The following ZFHX3 variants were observed in gnomAD, a reference collection of about 807,000 sequenced individuals.
The protein encoded by ZFHX3 is zinc finger homeobox protein 3.
ZFHX3 carries 42 observed loss-of-function variants against 279.1 expected under a neutral mutation model. The ratio of observed to expected loss-of-function variants is 0.15; its 90% confidence interval spans 0.12 to 0.19. The LOEUF is 0.19. Among genes scored for constraint, ZFHX3 ranks in the 10% least tolerant of loss-of-function variants. ZFHX3 has a pLI of 1.00. For synonymous variants in ZFHX3, 2,293 were observed against 1,957.8 expected (o/e 1.17, Z -4.52); for missense variants, 4,981 against 4,754.0 (o/e 1.05, Z -1.40).
At chr16:73,125,049 A>T (rs1966546068) in intron 7 of ZFHX3, among the ~76,000 whole-genome samples, 1 of 151,986 alleles carries the variant, frequency 6.6e-6, no homozygotes, top group South Asian at 2.1e-4. Context: ...ATCTGGGGCA[A>T]ATGGAAGGTA....
intron 8 of ZFHX3, among the ~76,000 whole-genome samples, chr16:72,799,628 C>T (rs1008210801): frequency 1.3e-5 from 2 of 152,176 alleles, no homozygotes; most frequent in Non-Finnish European, 2.9e-5. Context: ...AAACTCAGAA[C>T]GAAAGACAAC....
At chr16:72,818,071 T>C (rs1260702843) in intron 5 of ZFHX3, among the ~76,000 whole-genome samples, 1 of 152,212 alleles carries the variant, frequency 6.6e-6, no homozygotes, top group Non-Finnish European at 1.5e-5. Context: ...TCTATCTCCG[T>C]TGACTAGCGA....
At chr16:73,676,610 G>A (rs1265894494) in intron 2 of ZFHX3, among the ~76,000 whole-genome samples, 2 of 151,760 alleles carry the variant, frequency 1.3e-5, no homozygotes, top group Non-Finnish European at 2.9e-5. Flanking sequence ...AAAGCAATAA[G>A]GCTAATATTT....
intron 2 of ZFHX3, among the ~76,000 whole-genome samples, chr16:73,611,276 C>T (rs1178077143): frequency 1.3e-5 from 2 of 151,964 alleles, no homozygotes; most frequent in African/African-American, 4.8e-5. Flanking sequence ...ATGGGCAAGA[C>T]ATAGATGTGG....
intron 7 of ZFHX3, among the ~76,000 whole-genome samples, chr16:73,114,658 G>A (rs965846643): frequency 6.6e-6 from 1 of 151,972 alleles, no homozygotes. Flanking sequence ...CAACCTAGGC[G>A]ACACAGTGAG....
chr16:72,871,279 G>A (rs1200661123), intron 4 of ZFHX3, among the ~76,000 whole-genome samples: 1 of 151,758 alleles, frequency 6.6e-6, no homozygotes, highest in Non-Finnish European at 1.5e-5. Context: ...AGGTTCAAGC[G>A]ATTCTCCTGC....
At chr16:73,419,098 G>C (rs937145248) in intron 3 of ZFHX3, among the ~76,000 whole-genome samples, 1 of 152,238 alleles carries the variant, frequency 6.6e-6, no homozygotes, top group Non-Finnish European at 1.5e-5. Context: ...CCAGATGTTG[G>C]GGAGTGCAAA....
At chr16:73,381,916 G>C (rs946492826) in intron 3 of ZFHX3, among the ~76,000 whole-genome samples, 1 of 152,186 alleles carries the variant, frequency 6.6e-6, no homozygotes, top group Non-Finnish European at 1.5e-5. Context: ...TTTAGACTTT[G>C]GTCTAAAATA....
chr16:73,742,558 CA>C (rs2053668627), intron 1 of ZFHX3, among the ~76,000 whole-genome samples: 2 of 152,136 alleles, frequency 1.3e-5, no homozygotes, highest in Admixed American at 1.3e-4. Flanking sequence ...ATAAAAATTA[CA>C]AAGACTTCTT....
chr16:73,830,679 T>A (rs1328090498), intron 1 of ZFHX3, among the ~76,000 whole-genome samples: 1 of 152,206 alleles, frequency 6.6e-6, no homozygotes, highest in African/African-American at 2.4e-5. Context: ...ATTGTCAACA[T>A]CAACAAATTG....
intron 2 of ZFHX3, among the ~76,000 whole-genome samples, chr16:73,466,180 GA>G (rs11361159): frequency 0.67 from 100,223 of 150,022 alleles, 33,682 homozygotes; most frequent in African/African-American, 0.72. Context: ...TCAATCGCAT[GA>G]AAAAAAAAAA....
intron 2 of ZFHX3, among the ~76,000 whole-genome samples, chr16:73,507,911 G>C (rs1292209134): frequency 6.6e-6 from 1 of 152,184 alleles, no homozygotes; most frequent in East Asian, 1.9e-4. Context: ...ATTTTTGTGA[G>C]ATTAGAATCG....
At chr16:73,500,286 G>GTGTT (rs762153949) in intron 2 of ZFHX3, 2 of 152,680 alleles carry the variant, frequency 1.3e-5, no homozygotes, top group African/African-American at 2.4e-5. Flanking sequence ...GGCTTATGTG[G>GTGTT]TGTTTGTGCC....
At chr16:73,100,252 A>C (rs936887930) in intron 7 of ZFHX3, among the ~76,000 whole-genome samples, 1 of 152,230 alleles carries the variant, frequency 6.6e-6, no homozygotes, top group African/African-American at 2.4e-5. Context: ...CAGAGAAGAC[A>C]GACAGCTGAG....
Position 73,692,817 on chromosome 16 carries a change from G to C in ZFHX3, c.-1607-12577C>G, listed in dbSNP as rs539216759. The stretch of plus-strand genomic sequence containing the variant: ...GACACTTAATCGTCTAATTATTCCT[G>C]GCATGAAAGAAACAAAGTTAACATC... On this transcript the variant is annotated intron_variant, in intron 1 of 17. Transcript: ENST00000641206. Among the ~76,000 whole-genome samples, 21 of 152,250 alleles carry C rather than the reference G, an allele frequency of 1.4e-4. No individual in the cohort carries two copies. In the South Asian group the frequency reaches 4.4e-3, roughly 32 times the overall value.
At chr16:73,811,912 T>C (rs1358783234) in intron 1 of ZFHX3, among the ~76,000 whole-genome samples, 1 of 152,220 alleles carries the variant, frequency 6.6e-6, no homozygotes, top group Admixed American at 6.5e-5. Context: ...TCTAGTTGAA[T>C]GTTTCTGTGT....
Position 73,743,725 on chromosome 16 carries a change from A to G in ZFHX3, c.-1607-63485T>C, listed in dbSNP as rs191878681. Among the ~76,000 whole-genome samples the G allele has an allele frequency of 1.6e-3, 249 of 152,310 alleles. 2 individuals carry two copies. The highest frequency in any genetic ancestry group is 5.7e-3 in the African/African-American group (236 of 41,578). Reference sequence around the variant, plus strand: ...GAATGACTATAAATCCTTGCTGTGAACCAAATTCTTGTTAATCCAGTGGAA... The same window carrying G: ...GAATGACTATAAATCCTTGCTGTGAGCCAAATTCTTGTTAATCCAGTGGAA... On this transcript the variant is annotated intron_variant, in intron 1 of 17. Transcript: ENST00000641206.
At chr16:73,129,750 G>A (rs149709614) in intron 7 of ZFHX3, among the ~76,000 whole-genome samples, 249 of 151,454 alleles carry the variant, frequency 1.6e-3, no homozygotes, top group African/African-American at 5.8e-3. Context: ...ATGCCCACTC[G>A]CCAATGTCTG....
At chr16:73,682,154 C>T (rs1486235859) in intron 1 of ZFHX3, among the ~76,000 whole-genome samples, 2 of 152,136 alleles carry the variant, frequency 1.3e-5, no homozygotes, top group Non-Finnish European at 2.9e-5. Flanking sequence ...AAATCATTTG[C>T]CATTGCTCTT....
Sources: gnomAD v4.1 joint callset for allele counts (sites outside exome capture counted in the v4.1 genomes callset) on GRCh38, gnomAD v4.1.1 for gene constraint, MANE v1.5 for transcripts, NCBI Gene and HGNC (gene_info 2026-07-23, HGNC 2026-07-21) for gene names.